Variants in ANO3 observed in about 807,000 individuals in gnomAD.
ANO3 encodes anoctamin 3, also known as anoctamin-3.
In ANO3, 99 loss-of-function variants were observed where a neutral mutation model predicts 144.8. The observed-to-expected ratio is 0.68, with a 90% confidence interval of 0.58 to 0.81. The LOEUF (loss-of-function observed/expected upper bound fraction) is 0.81, where lower values mean the gene tolerates loss of function less well. Among genes scored for constraint, ANO3 ranks in the 30% least tolerant of loss-of-function variants. The pLI is 0.00. For synonymous variants in ANO3, 414 were observed against 392.6 expected (o/e 1.05, Z -0.64); for missense variants, 905 against 1,202.2 (o/e 0.75, Z 3.66).
chr11:26,565,876 T>C lies in ANO3; in HGVS notation c.1447+6097T>C, dbSNP rs141903076. 6.1e-4 allele frequency: 957 copies of C among 1,578,100 alleles called. 12 individuals are homozygous for C. In the East Asian group the frequency reaches 0.019, roughly 32 times the overall value. On this transcript the variant is annotated intron_variant, in intron 14 of 26. Coordinates refer to ENST00000256737, the MANE Select transcript of ANO3 (RefSeq NM_031418.4). ...GCCAACATTGTAGGCTTCTTTGGTA[T>C]TGGTTTTTTTTTAAAGGAATCTGAA...
intron 6 of ANO3, among the ~76,000 whole-genome samples, chr11:26,524,594 G>A (rs1554965105): frequency 6.6e-6 from 1 of 152,140 alleles, no homozygotes; most frequent in Non-Finnish European, 1.5e-5. Context: ...TCAGAAGAGC[G>A]AGAATATCAG....
chr11:26,327,834 G>A (rs1457075258), upstream of ANO3, among the ~76,000 whole-genome samples: 2 of 152,150 alleles, frequency 1.3e-5, no homozygotes, highest in Non-Finnish European at 2.9e-5. Context: ...ATGGGACAAG[G>A]TAGCTGATGA....
At chr11:26,302,339 A>T (rs909139369) in intron 1 of ANO3, among the ~76,000 whole-genome samples, 1 of 152,180 alleles carries the variant, frequency 6.6e-6, no homozygotes. Flanking sequence ...TACTAAAAAT[A>T]CAAAAAATAG....
At chr11:26,558,790 G>C (rs1490761403) in intron 13 of ANO3, among the ~76,000 whole-genome samples, 2 of 152,082 alleles carry the variant, frequency 1.3e-5, no homozygotes, top group African/African-American at 4.8e-5. Flanking sequence ...CTCCCATTGA[G>C]CACCCTCTGG....
rs764861146 is a variant in ANO3 at position 26,647,839 on chromosome 11, T to C, written c.2559T>C (p.His853=). 4 of 1,609,868 alleles carry C rather than the reference T, an allele frequency of 2.5e-6. No homozygotes were observed. The highest frequency in any genetic ancestry group is 2.7e-5 in the African/African-American group (2 of 74,986). The change falls in exon 24 of 27, where the codon CAT becomes CAC. Residue 853 remains histidine (H), a synonymous_variant. Coordinates refer to ENST00000256737, the MANE Select transcript of ANO3 (RefSeq NM_031418.4). The part of the protein sequence containing the change: ...YEYKYGPCAN[H]VEPSENCLKG... ...ACAAATATGGCCCCTGTGCAAATCATGTAGAACCAAGTGAAAAGTAAGGTT... is the reference window on the plus strand; with the variant it reads ...ACAAATATGGCCCCTGTGCAAATCACGTAGAACCAAGTGAAAAGTAAGGTT...
intron 1 of ANO3, among the ~76,000 whole-genome samples, chr11:26,405,026 AAGTCATTATATGGT>A (rs1448398131): frequency 6.6e-6 from 1 of 150,458 alleles, no homozygotes; most frequent in East Asian, 2.0e-4. Context: ...TTATTTAAGG[AAGTCATTATATGGT>A]AGCCATTATA....
intron 1 of ANO3, among the ~76,000 whole-genome samples, chr11:26,204,826 T>C (rs918533841): frequency 5.9e-5 from 9 of 152,206 alleles, no homozygotes; most frequent in African/African-American, 2.2e-4. Flanking sequence ...GTGCTTCATG[T>C]TCTATAAATG....
chr11:26,301,236 G>C (rs573119878), intron 1 of ANO3, among the ~76,000 whole-genome samples: 1 of 152,198 alleles, frequency 6.6e-6, no homozygotes, highest in South Asian at 2.1e-4. Context: ...ACTGTCATTG[G>C]ATTTCTAATT....
intron 11 of ANO3, among the ~76,000 whole-genome samples, chr11:26,545,589 A>G (rs1226124161): frequency 1.3e-5 from 2 of 152,010 alleles, no homozygotes; most frequent in Non-Finnish European, 2.9e-5. Flanking sequence ...TGTATTTGAA[A>G]ACAATGTCAC....
At chr11:26,249,321 T>A (rs1412014541) in intron 1 of ANO3, among the ~76,000 whole-genome samples, 2 of 152,202 alleles carry the variant, frequency 1.3e-5, no homozygotes, top group Non-Finnish European at 2.9e-5. Context: ...ATGTATTATA[T>A]GAAACGAAAA....
intron 1 of ANO3, among the ~76,000 whole-genome samples, chr11:26,278,512 C>CTTTACTG (rs1398360947): frequency 6.6e-6 from 1 of 152,072 alleles, no homozygotes; most frequent in Non-Finnish European, 1.5e-5. Flanking sequence ...ATCCCTCAGA[C>CTTTACTG]TTTACTGTTT....
At chr11:26,375,574 G>T (rs1280935436) in intron 1 of ANO3, among the ~76,000 whole-genome samples, 1 of 152,170 alleles carries the variant, frequency 6.6e-6, no homozygotes, top group Non-Finnish European at 1.5e-5. Context: ...AACAATGGGA[G>T]ATTCAGCAGA....
chr11:26,642,278 G>A (rs1055114398), intron 22 of ANO3, among the ~76,000 whole-genome samples: 10 of 151,102 alleles, frequency 6.6e-5, no homozygotes, highest in African/African-American at 2.4e-4. Flanking sequence ...TATTTTATGA[G>A]CAAATATTTG....
intron 1 of ANO3, among the ~76,000 whole-genome samples, chr11:26,354,861 T>C (rs1855737922): frequency 1.3e-5 from 2 of 152,114 alleles, no homozygotes; most frequent in Non-Finnish European, 2.9e-5. Context: ...GATTGATTTC[T>C]CCTCAGGTAA....
At chr11:26,372,315 C>T (rs1023014217) in intron 1 of ANO3, among the ~76,000 whole-genome samples, 6 of 152,132 alleles carry the variant, frequency 3.9e-5, no homozygotes, top group African/African-American at 1.4e-4. Flanking sequence ...TGAGGCCTCC[C>T]CAGCTATGCT....
intron 1 of ANO3, among the ~76,000 whole-genome samples, chr11:26,424,345 T>C (rs1857856713): frequency 6.6e-6 from 1 of 151,942 alleles, no homozygotes; most frequent in Admixed American, 6.6e-5. Context: ...AGAAAATTTC[T>C]CAAAGTAGGT....
At chr11:26,207,830 T>C (rs777653177) in intron 1 of ANO3, among the ~76,000 whole-genome samples, 7 of 152,184 alleles carry the variant, frequency 4.6e-5, no homozygotes, top group Non-Finnish European at 7.4e-5. Context: ...TAAAATAGTA[T>C]GTAAGATTGA....
chr11:26,297,390 CA>C (rs1304807533), intron 1 of ANO3, among the ~76,000 whole-genome samples: 1 of 152,148 alleles, frequency 6.6e-6, no homozygotes, highest in Non-Finnish European at 1.5e-5. Context: ...GCCTGTCATA[CA>C]ATGATCAACA....
chr11:26,660,563 A>T lies in ANO3; in HGVS notation c.*119A>T. The T allele has an allele frequency of 1.2e-6, 1 of 843,344 alleles. No homozygotes were observed. Among genetic ancestry groups the T allele is most frequent in the African/African-American group, 1.7e-5 (1 of 57,602 alleles). The allele number at this position is 843,344 out of a possible 1,614,324, so 52.2% of individuals were successfully genotyped here. A position where few individuals can be genotyped will look rare whatever the true frequency, so the allele number is the denominator to read the frequency against. The stretch of plus-strand genomic sequence containing the variant: ...TGGCAAACCACATGTATAATATGCT[A>T]CTTGGAAATGTATCACAGCCATCTC... On this transcript the variant is annotated 3_prime_UTR_variant, in exon 27 of 27. Transcript: ENST00000256737.
Sources: gnomAD v4.1 joint callset for allele counts (sites outside exome capture counted in the v4.1 genomes callset) on GRCh38, gnomAD v4.1.1 for gene constraint, MANE v1.5 for transcripts, NCBI Gene and HGNC (gene_info 2026-07-23, HGNC 2026-07-21) for gene names.